CSMD1: variants seen among roughly 807,000 people sequenced by gnomAD.
CSMD1 encodes the protein CUB and sushi domain-containing protein 1.
Under a neutral mutation model 417.5 loss-of-function variants are expected in CSMD1, and 213 were observed. The observed-to-expected ratio is 0.51, with a 90% CI of 0.46 to 0.57. The LOEUF (loss-of-function observed/expected upper bound fraction) is 0.57, where lower values mean the gene tolerates loss of function less well. CSMD1 is among the 20% of genes least tolerant of loss of function. The probability of loss-of-function intolerance (pLI) is 0.00; values close to 1 mark genes in which losing one functional copy is unlikely to be tolerated. For missense variants in CSMD1, 6,923 were observed against 4,529.7 expected (o/e 1.53, Z -15.17); for synonymous variants, 2,862 against 1,736.8 (o/e 1.65, Z -16.11).
At chr8:4,282,115 T>C (rs1796817720) in intron 3 of CSMD1, among the ~76,000 whole-genome samples, 2 of 152,322 alleles carry the variant, frequency 1.3e-5, no homozygotes, top group East Asian at 1.9e-4. Flanking sequence ...GTATTTTTAA[T>C]TATGTAAACT....
chr8:4,671,003 G>A (rs1407519005), intron 1 of CSMD1, among the ~76,000 whole-genome samples: 2 of 152,184 alleles, frequency 1.3e-5, no homozygotes, highest in Admixed American at 6.5e-5. Context: ...AGCTCCTTAA[G>A]CTTGCCTACA....
intron 3 of CSMD1, among the ~76,000 whole-genome samples, chr8:4,082,439 G>C (rs545197915): frequency 6.6e-6 from 1 of 152,110 alleles, no homozygotes; most frequent in African/African-American, 2.4e-5. Flanking sequence ...TTTGAAAATA[G>C]AGGAAGGGCA....
At chr8:4,701,538 G>A (rs1360661055) in intron 1 of CSMD1, among the ~76,000 whole-genome samples, 1 of 151,986 alleles carries the variant, frequency 6.6e-6, no homozygotes, top group Non-Finnish European at 1.5e-5. Flanking sequence ...TCAATGGTGG[G>A]CATGGGAGGG....
intron 50 of CSMD1, among the ~76,000 whole-genome samples, chr8:3,029,949 C>A (rs1810230372): frequency 6.6e-6 from 1 of 152,024 alleles, no homozygotes; most frequent in Non-Finnish European, 1.5e-5. Context: ...CAGATGCCCT[C>A]ATTTCTTCAA....
intron 5 of CSMD1, among the ~76,000 whole-genome samples, chr8:3,874,319 G>A (rs972197785): frequency 3.9e-5 from 6 of 152,118 alleles, no homozygotes; most frequent in East Asian, 3.9e-4. Context: ...TACAGGCTGC[G>A]TAACTCTTAT....
intron 7 of CSMD1, among the ~76,000 whole-genome samples, chr8:3,689,079 C>G (rs138673588): frequency 9.4e-4 from 143 of 152,202 alleles, no homozygotes; most frequent in East Asian, 9.1e-3. Context: ...TACACTTATT[C>G]CCAACTCATC....
At chr8:3,446,865 C>A (rs1032831217) in intron 12 of CSMD1, among the ~76,000 whole-genome samples, 2 of 152,142 alleles carry the variant, frequency 1.3e-5, no homozygotes, top group Non-Finnish European at 2.9e-5. Context: ...ATTAGCATTT[C>A]TTTTTCTAAC....
chr8:3,294,676 C>T (rs1429404381), intron 25 of CSMD1, among the ~76,000 whole-genome samples: 1 of 152,122 alleles, frequency 6.6e-6, no homozygotes, highest in African/African-American at 2.4e-5. Flanking sequence ...GAAAAGCAAG[C>T]CCAGTATTAG....
At chr8:4,695,733 T>C (rs1014567434) in intron 1 of CSMD1, among the ~76,000 whole-genome samples, 10 of 152,210 alleles carry the variant, frequency 6.6e-5, no homozygotes, top group Admixed American at 2.6e-4. Context: ...TGGTATTTTA[T>C]GTTCTATGGG....
chr8:4,894,566 A>AATTG (rs1554513138), intron 1 of CSMD1, among the ~76,000 whole-genome samples: 2 of 150,032 alleles, frequency 1.3e-5, no homozygotes, highest in East Asian at 3.9e-4. Context: ...AAAGAAAAAA[A>AATTG]AAAAAAAAAG....
At chr8:4,078,380 T>C (rs562778186) in intron 3 of CSMD1, among the ~76,000 whole-genome samples, 1 of 147,880 alleles carries the variant, frequency 6.8e-6, no homozygotes, top group Non-Finnish European at 1.5e-5. Flanking sequence ...AGTGGCGTGA[T>C]CTCGACTCAC....
chr8:3,482,860 T>C (rs1214283976), intron 11 of CSMD1, among the ~76,000 whole-genome samples: 1 of 152,102 alleles, frequency 6.6e-6, no homozygotes, highest in Non-Finnish European at 1.5e-5. Context: ...GGAAGTTAAA[T>C]AACACATTTC....
intron 5 of CSMD1, among the ~76,000 whole-genome samples, chr8:3,922,660 T>G (rs62480126): frequency 0.083 from 12,643 of 152,236 alleles, 643 homozygotes; most frequent in South Asian, 0.15. Flanking sequence ...AAAATAACTT[T>G]TAATTGTGCT....
intron 1 of CSMD1, among the ~76,000 whole-genome samples, chr8:4,969,499 A>G (rs986803440): frequency 6.6e-6 from 1 of 151,210 alleles, no homozygotes; most frequent in Admixed American, 6.6e-5. Context: ...TTCTGTCTCC[A>G]TCCATTCCTC....
intron 3 of CSMD1, among the ~76,000 whole-genome samples, chr8:4,179,474 C>A (rs1221403059): frequency 1.3e-4 from 20 of 151,320 alleles, no homozygotes; most frequent in Admixed American, 6.6e-4. Flanking sequence ...CCATAAAAAC[C>A]CTAGAAGAAA....
intron 5 of CSMD1, among the ~76,000 whole-genome samples, chr8:3,765,753 G>C (rs750131248): frequency 6.6e-6 from 1 of 152,168 alleles, no homozygotes; most frequent in African/African-American, 2.4e-5. Flanking sequence ...GTGAGATCTG[G>C]CATCCTCCTT....
At chr8:4,402,934 C>G (rs1162970857) in intron 3 of CSMD1, among the ~76,000 whole-genome samples, 2 of 144,670 alleles carry the variant, frequency 1.4e-5, no homozygotes, top group Non-Finnish European at 3.0e-5. Flanking sequence ...ATTCTCCTGT[C>G]TTAGCCTCCT....
chr8:3,570,340 T>C (rs1799892442), intron 10 of CSMD1, among the ~76,000 whole-genome samples: 2 of 152,248 alleles, frequency 1.3e-5, no homozygotes, highest in South Asian at 4.1e-4. Context: ...CTCCTCTTCC[T>C]GGCTTCTAGA....
intron 3 of CSMD1, among the ~76,000 whole-genome samples, chr8:4,216,385 A>T (rs1407946487): frequency 6.6e-6 from 1 of 152,160 alleles, no homozygotes; most frequent in Non-Finnish European, 1.5e-5. Context: ...CACCATCAGA[A>T]TAGTGTGTAC....
Sources: gnomAD v4.1 joint callset for allele counts (sites outside exome capture counted in the v4.1 genomes callset) on GRCh38, gnomAD v4.1.1 for gene constraint, MANE v1.5 for transcripts, NCBI Gene and HGNC (gene_info 2026-07-23, HGNC 2026-07-21) for gene names.